ARHGEF4: variants seen among roughly 807,000 people sequenced by gnomAD.
ARHGEF4 encodes Rho guanine nucleotide exchange factor 4, also known as APC-stimulated guanine nucleotide exchange factor 1.
A neutral mutation model predicts 162.0 loss-of-function variants in ARHGEF4; 119 were observed. The ratio of observed to expected loss-of-function variants is 0.73; its 90% CI spans 0.63 to 0.86. The LOEUF (loss-of-function observed/expected upper bound fraction) is 0.86, where lower values mean the gene tolerates loss of function less well. ARHGEF4 is among the 40% of genes least tolerant of loss of function. ARHGEF4 has a pLI of 0.00. For missense variants in ARHGEF4, 2,488 were observed against 2,456.0 expected (o/e 1.01, Z -0.28); for synonymous variants, 1,014 against 979.9 (o/e 1.03, Z -0.65).
intron 3 of ARHGEF4, among the ~76,000 whole-genome samples, chr2:130,940,534 T>G (rs192458388): frequency 8.0e-5 from 12 of 150,594 alleles, no homozygotes; most frequent in Admixed American, 3.3e-4. Flanking sequence ...TGACCTCGGA[T>G]GGTAGTATGA....
chr2:130,916,131 A>C lies in ARHGEF4; in HGVS notation c.2185A>C (p.Thr729Pro). ...AGCTGCTTCGGAAGAGACGCCGAGC[A>C]CAGAGGAGCCCCCGGGAGAGAGACT... ...PQAASEETPS[T>P]EEPPGERLRG... Residue 729 changes from threonine to proline, a missense_variant, in exon 2 of 14, where the codon ACA becomes CCA. Transcript: ENST00000409359. The C allele has an allele frequency of 6.5e-7, 1 of 1,549,516 alleles. No individual in the cohort carries two copies.
intron 11 of ARHGEF4, among the ~76,000 whole-genome samples, 161 bp from the exon 12 acceptor site, chr2:131,044,138 G>A (rs1679812912): frequency 6.6e-6 from 1 of 152,184 alleles, no homozygotes; most frequent in African/African-American, 2.4e-5. Flanking sequence ...CATGTCTGTG[G>A]GCTGCAGAAG....
At chr2:131,019,138 C>T (rs1303825754) in intron 4 of ARHGEF4, among the ~76,000 whole-genome samples, 1 of 152,090 alleles carries the variant, frequency 6.6e-6, no homozygotes, top group African/African-American at 2.4e-5. Context: ...TGGGGCTGGG[C>T]GCAGTGGCTC....
At chr2:130,935,990 G>A (rs192216243) in intron 3 of ARHGEF4, among the ~76,000 whole-genome samples, 34 of 152,238 alleles carry the variant, frequency 2.2e-4, no homozygotes, top group Admixed American at 6.5e-4. Flanking sequence ...GCTTGAAACC[G>A]GGAGGCAGAG....
intron 1 of ARHGEF4, among the ~76,000 whole-genome samples, chr2:130,903,023 A>G (rs28398133): frequency 0.068 from 10,253 of 151,226 alleles, 539 homozygotes; most frequent in African/African-American, 0.14. Context: ...TGCCTTTTCT[A>G]TATTGCTTTA....
intron 2 of ARHGEF4, among the ~76,000 whole-genome samples, chr2:130,922,993 C>T (rs1681981488): frequency 6.6e-6 from 1 of 151,702 alleles, no homozygotes; most frequent in South Asian, 2.1e-4. Context: ...TGCAGTGGCA[C>T]AATCTTGGCT....
intron 4 of ARHGEF4, among the ~76,000 whole-genome samples, chr2:130,978,166 G>A (rs1685878533): frequency 6.6e-6 from 1 of 152,136 alleles, no homozygotes; most frequent in Non-Finnish European, 1.5e-5. Flanking sequence ...ACTGTCTATG[G>A]GACCCTCGGG....
intron 4 of ARHGEF4, among the ~76,000 whole-genome samples, chr2:131,023,072 CTCAAA>C (rs1304878174): frequency 1.8e-3 from 10 of 5,604 alleles, no homozygotes; most frequent in Non-Finnish European, 9.1e-3. Context: ...GAAACCCTGT[CTCAAA>C]AAAAAAAAAA....
intron 4 of ARHGEF4, among the ~76,000 whole-genome samples, chr2:130,998,490 G>A (rs1282195329): frequency 6.6e-6 from 1 of 152,128 alleles, no homozygotes; most frequent in Non-Finnish European, 1.5e-5. Flanking sequence ...CGCACCTTTG[G>A]CCACTGATAA....
chr2:131,030,242 G>GTT (rs60596984), intron 5 of ARHGEF4, among the ~76,000 whole-genome samples: 3 of 151,996 alleles, frequency 2.0e-5, no homozygotes, highest in Non-Finnish European at 4.4e-5. Context: ...GCGAAGAGGT[G>GTT]TTTTTTTGGG....
intron 1 of ARHGEF4, among the ~76,000 whole-genome samples, chr2:130,895,951 T>G (rs920842486): frequency 1.3e-4 from 20 of 152,322 alleles, no homozygotes; most frequent in African/African-American, 4.8e-4. Flanking sequence ...AGTGTTATGG[T>G]TTAGTCCTAG....
chr2:130,897,789 GAA>G (rs1420091536), intron 1 of ARHGEF4, among the ~76,000 whole-genome samples: 3 of 152,176 alleles, frequency 2.0e-5, no homozygotes, highest in Non-Finnish European at 4.4e-5. Flanking sequence ...GACTCTTCCA[GAA>G]AAGTCTTTTC....
intron 3 of ARHGEF4, among the ~76,000 whole-genome samples, chr2:130,937,951 G>A (rs1392543535): frequency 1.3e-5 from 2 of 152,174 alleles, no homozygotes; most frequent in African/African-American, 4.8e-5. Flanking sequence ...ACAGGCATAA[G>A]CCACTGCACC....
intron 3 of ARHGEF4, among the ~76,000 whole-genome samples, chr2:130,935,236 C>T (rs1219823094): frequency 1.3e-5 from 2 of 151,850 alleles, no homozygotes. Context: ...CAGGGTTTCA[C>T]CATGTTGCCC....
At chr2:131,026,062 G>T (rs1573646919) in intron 4 of ARHGEF4, among the ~76,000 whole-genome samples, 1 of 152,120 alleles carries the variant, frequency 6.6e-6, no homozygotes, top group Admixed American at 6.5e-5. Context: ...CAAGAAGAGA[G>T]TCCAGATGCA....
Position 130,915,567 on chromosome 2 carries a change from A to T in ARHGEF4, c.1621A>T (p.Met541Leu), listed in dbSNP as rs992857293. ...GACCCAGGTGTGGAGTGGAGACTTG[A>T]TGGGCTGCTTGGAAGTGAGTGACAG... ...EGTQVWSGDLMGCLEVSDSSD... is the reference protein window; with the variant it reads ...EGTQVWSGDLLGCLEVSDSSD... The change falls in exon 2 of 14, where the codon ATG becomes TTG. Residue 541 changes from methionine (M) to leucine (L), a missense_variant. By Grantham distance (15) the Met-to-Leu change is conservative (BLOSUM62 2). Around this residue, in one of 6 missense-constraint regions of ARHGEF4, gnomAD observed 1,642 missense variants for 1,481.5 expected, o/e 1.11. Coordinates refer to ENST00000409359, the MANE Select transcript of ARHGEF4 (RefSeq NM_001367493.1). 1.4e-5 allele frequency: 21 copies of T among 1,550,426 alleles called. No homozygotes were observed. Among genetic ancestry groups the T allele is most frequent in the Non-Finnish European group, 1.7e-5 (20 of 1,146,996 alleles).
chr2:131,006,937 G>A (rs1163259984), intron 4 of ARHGEF4, among the ~76,000 whole-genome samples: 8 of 152,218 alleles, frequency 5.3e-5, no homozygotes, highest in African/African-American at 1.9e-4. Flanking sequence ...GGGATTGGGA[G>A]GTGGACTGTA....
chr2:130,981,546 C>G (rs1227197253), intron 4 of ARHGEF4, among the ~76,000 whole-genome samples: 2 of 151,556 alleles, frequency 1.3e-5, no homozygotes, highest in Non-Finnish European at 2.9e-5. Context: ...GTAGTCCCAG[C>G]TACTCAGGAG....
chr2:130,993,416 G>C (rs558097560), intron 4 of ARHGEF4, among the ~76,000 whole-genome samples: 5 of 152,194 alleles, frequency 3.3e-5, no homozygotes, highest in Middle Eastern at 3.4e-3. Flanking sequence ...AATAATTTTA[G>C]TGTTTCATAT....
Sources: gnomAD v4.1 joint callset for allele counts (sites outside exome capture counted in the v4.1 genomes callset) on GRCh38, gnomAD v4.1.1 for gene constraint, gnomAD v4.1.1 regional missense constraint, MANE v1.5 for transcripts, NCBI Gene and HGNC (gene_info 2026-07-23, HGNC 2026-07-21) for gene names.